Variants in EPHA6 observed in about 807,000 individuals in gnomAD.
The protein encoded by EPHA6 is EPH receptor A6.
A neutral mutation model predicts 112.0 loss-of-function variants in EPHA6; 50 were observed. The observed-to-expected ratio is 0.45, with a 90% CI of 0.36 to 0.56. EPHA6 has a LOEUF of 0.56. EPHA6 is among the 20% of genes least tolerant of loss of function. The pLI, the probability that EPHA6 is intolerant of heterozygous loss-of-function variation, is 0.00. For synonymous variants in EPHA6, 529 were observed against 490.7 expected (o/e 1.08, Z -1.03); for missense variants, 1,280 against 1,417.4 (o/e 0.90, Z 1.56).
intron 3 of EPHA6, among the ~76,000 whole-genome samples, chr3:97,044,140 G>A (rs1356683333): frequency 6.6e-6 from 1 of 152,126 alleles, no homozygotes; most frequent in Non-Finnish European, 1.5e-5. Context: ...TTCTACATGT[G>A]ACAAAGTCCT....
At chr3:97,626,447 T>C (rs2093857497) in intron 13 of EPHA6, among the ~76,000 whole-genome samples, 2 of 151,890 alleles carry the variant, frequency 1.3e-5, no homozygotes, top group South Asian at 4.1e-4. Flanking sequence ...AACTATGGTT[T>C]GTAGAGCATG....
At chr3:97,183,574 G>C (rs1234789436) in intron 3 of EPHA6, among the ~76,000 whole-genome samples, 1 of 151,986 alleles carries the variant, frequency 6.6e-6, no homozygotes, top group Non-Finnish European at 1.5e-5. Flanking sequence ...AAAAGAAATA[G>C]TTTATTCTAG....
chr3:97,148,183 A>T (rs555896219), intron 3 of EPHA6, among the ~76,000 whole-genome samples: 3 of 152,244 alleles, frequency 2.0e-5, no homozygotes, highest in South Asian at 4.1e-4. Context: ...TAAAATGCAC[A>T]TCTTAGGTTG....
At chr3:97,178,310 T>C (rs962558965) in intron 3 of EPHA6, among the ~76,000 whole-genome samples, 6 of 152,140 alleles carry the variant, frequency 3.9e-5, no homozygotes, top group Non-Finnish European at 7.4e-5. Flanking sequence ...CACTATGTCC[T>C]GAAAAGTTGT....
chr3:96,873,989 T>C (rs948290791), intron 2 of EPHA6, among the ~76,000 whole-genome samples: 3 of 152,114 alleles, frequency 2.0e-5, no homozygotes, highest in Non-Finnish European at 2.9e-5. Flanking sequence ...TTTCAGAACC[T>C]ACCCATGGTT....
chr3:96,883,591 A>G (rs1193695021), intron 2 of EPHA6, among the ~76,000 whole-genome samples: 1 of 152,160 alleles, frequency 6.6e-6, no homozygotes, highest in Non-Finnish European at 1.5e-5. Context: ...TGATTTTTGT[A>G]TAAGGTGAGA....
chr3:97,440,267 C>G (rs1458185049), intron 6 of EPHA6, among the ~76,000 whole-genome samples: 1 of 152,030 alleles, frequency 6.6e-6, no homozygotes, highest in African/African-American at 2.4e-5. Context: ...CTTCCTTGGA[C>G]AGTTTTAATC....
intron 3 of EPHA6, among the ~76,000 whole-genome samples, chr3:97,056,410 CT>C (rs2045854702): frequency 6.6e-6 from 1 of 152,096 alleles, no homozygotes. Context: ...CAAATCTGTT[CT>C]TTTATCAGCA....
At chr3:96,816,686 C>T (rs771267643) in intron 1 of EPHA6, among the ~76,000 whole-genome samples, 1 of 151,904 alleles carries the variant, frequency 6.6e-6, no homozygotes, top group Non-Finnish European at 1.5e-5. Context: ...ATTTAAATAC[C>T]TATGATGCAT....
At chr3:97,595,355 C>G (rs1338395726) in intron 12 of EPHA6, among the ~76,000 whole-genome samples, 3 of 152,098 alleles carry the variant, frequency 2.0e-5, no homozygotes, top group Admixed American at 6.6e-5. Context: ...AGGAAGAAAT[C>G]ACAGAAGGCC....
chr3:97,548,236 T>C (rs532173967), intron 11 of EPHA6, among the ~76,000 whole-genome samples: 37 of 152,234 alleles, frequency 2.4e-4, no homozygotes, highest in African/African-American at 8.9e-4. Context: ...TTTCTAATGA[T>C]TAGATTATGG....
At chr3:97,008,514 C>T (rs1240947020) in intron 3 of EPHA6, among the ~76,000 whole-genome samples, 3 of 152,106 alleles carry the variant, frequency 2.0e-5, no homozygotes, top group African/African-American at 4.8e-5. Flanking sequence ...TTCCTCTAAC[C>T]TTTTATCAAG....
intron 7 of EPHA6, among the ~76,000 whole-genome samples, chr3:97,474,180 T>A (rs2091305492): frequency 6.6e-6 from 1 of 151,878 alleles, no homozygotes; most frequent in Admixed American, 6.6e-5. Context: ...CAGAAAAAGA[T>A]CTACTTCTGT....
chr3:97,214,038 T>TGTGTGTGAGAGAGAGA (rs1491420279), intron 3 of EPHA6, among the ~76,000 whole-genome samples: 10 of 77,782 alleles, frequency 1.3e-4, no homozygotes, highest in African/African-American at 2.4e-4. Context: ...TGTGTGTGTG[T>TGTGTGTGAGAGAGAGA]GAGAGAGAGA....
chr3:96,930,938 G>A (rs1301366218), intron 2 of EPHA6, among the ~76,000 whole-genome samples: 2 of 125,990 alleles, frequency 1.6e-5, no homozygotes, highest in Non-Finnish European at 3.2e-5. Flanking sequence ...GTTGTGGTGA[G>A]CCAAGGTCAC....
intron 12 of EPHA6, among the ~76,000 whole-genome samples, chr3:97,602,733 T>TA (rs1307378861): frequency 6.6e-6 from 1 of 152,088 alleles, no homozygotes; most frequent in Non-Finnish European, 1.5e-5. Context: ...GAAGAACTTA[T>TA]AAAAAATTAT....
intron 5 of EPHA6, among the ~76,000 whole-genome samples, chr3:97,404,579 G>A (rs2087212976): frequency 6.6e-6 from 1 of 152,096 alleles, no homozygotes; most frequent in Non-Finnish European, 1.5e-5. Flanking sequence ...AAATAGACAT[G>A]ATTCTGAAAA....
At chr3:97,079,152 C>G (rs1211935014) in intron 3 of EPHA6, among the ~76,000 whole-genome samples, 1 of 151,792 alleles carries the variant, frequency 6.6e-6, no homozygotes, top group Non-Finnish European at 1.5e-5. Flanking sequence ...TACATGCATG[C>G]ATATGTTCAT....
intron 10 of EPHA6, among the ~76,000 whole-genome samples, chr3:97,510,654 G>A (rs542162957): frequency 4.6e-5 from 7 of 152,292 alleles, no homozygotes; most frequent in Admixed American, 3.3e-4. Flanking sequence ...CCAGTCAGGA[G>A]GTACAGGAGT....
Sources: allele counts gnomAD v4.1 joint callset (sites outside exome capture counted in the v4.1 genomes callset), GRCh38; gene constraint gnomAD v4.1.1; transcripts MANE v1.5; gene names NCBI Gene and HGNC (gene_info 2026-07-23, HGNC 2026-07-21).